Variants in DNAH1 observed in about 807,000 individuals in gnomAD.
The protein encoded by DNAH1 is axonemal beta dynein heavy chain 1.
Under a neutral mutation model 484.3 loss-of-function variants are expected in DNAH1, and 327 were observed. The ratio of observed to expected loss-of-function variants is 0.68; its 90% confidence interval spans 0.62 to 0.74. DNAH1 has a LOEUF of 0.74. Ranked by LOEUF, DNAH1 falls within the 30% of genes least tolerant of loss-of-function variation. DNAH1 has a pLI of 0.00. For missense variants in DNAH1, 5,052 were observed against 5,546.8 expected (o/e 0.91, Z 2.83); for synonymous variants, 2,192 against 2,191.9 (o/e 1.00, Z 0.00).
chr3:52,386,116 G>T, intron 54 of DNAH1, 44 bp from the exon 55 acceptor site: 1 of 1,571,644 alleles, frequency 6.4e-7, no homozygotes, highest in Non-Finnish European at 8.6e-7. Flanking sequence ...AAGATGCAGA[G>T]AAGAGAAAAG....
intron 8 of DNAH1, among the ~76,000 whole-genome samples, chr3:52,336,184 C>G (rs1701738385): frequency 6.6e-6 from 1 of 152,130 alleles, no homozygotes; most frequent in African/African-American, 2.4e-5. Context: ...AATTCTTTCC[C>G]AAGGCCAACA....
At chr3:52,366,645 A>T in intron 35 of DNAH1, 88 bp from the exon 36 acceptor site, 1 of 1,556,560 alleles carries the variant, frequency 6.4e-7, no homozygotes, top group African/African-American at 1.4e-5. Flanking sequence ...GCCCCTTGGC[A>T]TAGAATACCC....
chr3:52,373,561 C>T (rs1276417142), intron 44 of DNAH1: 7 of 1,482,548 alleles, frequency 4.7e-6, no homozygotes, highest in Admixed American at 1.7e-5. Flanking sequence ...GTACCCGTCT[C>T]TCAGCCCATA....
chr3:52,400,340 C>T lies in DNAH1; in HGVS notation c.12692C>T (p.Thr4231Ile). The T allele has an allele frequency of 2.5e-6, 4 of 1,614,058 alleles. No homozygotes were observed. The highest frequency in any genetic ancestry group is 3.4e-6 in the Non-Finnish European group (4 of 1,179,894). The change falls in exon 78 of 78, where the codon ACA becomes ATA. Residue 4231 changes from threonine to isoleucine, a missense_variant. Physicochemically the swap from Thr to Ile is moderately conservative, Grantham distance 89. Transcript: ENST00000420323. ...CCCATTCCAGGAACACTATCAACCA[C>T]AGGACACTCTACCAACTATGTCATT... ...TLTRAGTLST[T>I]GHSTNYVIAV...
At chr3:52,317,784 G>C (rs1030438540) in intron 1 of DNAH1, 7 of 152,254 alleles carry the variant, frequency 4.6e-5, no homozygotes, top group African/African-American at 1.7e-4. Context: ...TTCAGGCTGG[G>C]GAGGTTCGCG....
intron 52 of DNAH1, among the ~76,000 whole-genome samples, chr3:52,384,249 G>C (rs1486294212): frequency 6.6e-6 from 1 of 152,250 alleles, no homozygotes; most frequent in African/African-American, 2.4e-5. Flanking sequence ...ACAGCTGCAC[G>C]GGTACTGCTT....
rs1292112258 is a variant in DNAH1 at position 52,357,965 on chromosome 3, C to T, written c.4048C>T (p.Gln1350Ter). 1.9e-6 allele frequency: 3 copies of T among 1,612,806 alleles called. No individual in the cohort carries two copies. The highest frequency in any genetic ancestry group is 2.2e-5 in the East Asian group (1 of 44,882). ...LSQTKDPTAV[Q>*]PHLRKCFENI... ...GCAGACAAAGGACCCCACGGCCGTG[C>T]AGCCACACCTGCGCAAGTGCTTCGA... The change falls in exon 24 of 78, where the codon CAG becomes TAG. Residue 1350 changes from glutamine to a stop codon, truncating the protein, a stop_gained. Coordinates refer to ENST00000420323, the MANE Select transcript of DNAH1 (RefSeq NM_015512.5). LOFTEE classifies it high-confidence loss of function.
Position 52,349,438 on chromosome 3 carries a change from C to A in DNAH1, c.2526+18C>A. 6.2e-7 allele frequency: 1 copy of A among 1,608,656 alleles called. No individual in the cohort carries two copies. Among genetic ancestry groups the A allele is most frequent in the Non-Finnish European group, 8.5e-7 (1 of 1,175,626 alleles). ...TGGATAGCGTAAGTGCCCACCTGCCCCGCCTCAGTGACCACAGCAGCACAC... is the reference window on the plus strand; with the variant it reads ...TGGATAGCGTAAGTGCCCACCTGCCACGCCTCAGTGACCACAGCAGCACAC... On this transcript the variant is annotated intron_variant, in intron 14 of 77. Coordinates refer to ENST00000420323, the MANE Select transcript of DNAH1 (RefSeq NM_015512.5).
At chr3:52,334,070 T>C (rs1701650335) in intron 8 of DNAH1, among the ~76,000 whole-genome samples, 1 of 152,208 alleles carries the variant, frequency 6.6e-6, no homozygotes, top group African/African-American at 2.4e-5. Flanking sequence ...TGTCATTAGG[T>C]GATTTCATCA....
rs776727806 is a variant in DNAH1 at position 52,326,193 on chromosome 3, A to C, written c.460A>C (p.Ile154Leu). Residue 154 changes from isoleucine to leucine, a missense_variant, in exon 4 of 78, where the codon ATC becomes CTC. Physicochemically the swap from Ile to Leu is conservative, Grantham distance 5 (BLOSUM62 2). Coordinates refer to ENST00000420323, the MANE Select transcript of DNAH1 (RefSeq NM_015512.5). ...DFQERMEQQC[I>L]GSTTRLLAQT... is the part of the protein sequence containing the mutation. ...CCAGGAGCGCATGGAGCAGCAGTGCATCGGGTCCACCACCCGGCTGCTCGC... is the reference window on the plus strand; with the variant it reads ...CCAGGAGCGCATGGAGCAGCAGTGCCTCGGGTCCACCACCCGGCTGCTCGC... 15 of 1,612,824 alleles carry C rather than the reference A, an allele frequency of 9.3e-6. No individual in the cohort carries two copies. Among genetic ancestry groups the C allele is most frequent in the Non-Finnish European group, 3.4e-6 (4 of 1,179,510 alleles).
At chr3:52,385,258 G>T in intron 53 of DNAH1, 79 bp from the exon 54 acceptor site, 1 of 1,410,550 alleles carries the variant, frequency 7.1e-7, no homozygotes, top group Non-Finnish European at 9.8e-7. Flanking sequence ...TCTCTCTCAT[G>T]AATGAGGGCG....
rs773120505 is a variant in DNAH1, at chr3:52,370,634, A to G, written c.6416A>G (p.Gln2139Arg). 3 of 1,609,806 alleles carry G rather than the reference A, an allele frequency of 1.9e-6. No homozygotes were observed. Among genetic ancestry groups the G allele is most frequent in the Non-Finnish European group, 1.7e-6 (2 of 1,178,110 alleles). The change falls in exon 40 of 78, where the codon CAG becomes CGG. Residue 2139 changes from glutamine to arginine, a missense_variant and splice_region_variant. Physicochemically the swap from Gln to Arg is conservative, Grantham distance 43. Around this residue, in one of 4 missense-constraint regions of DNAH1, gnomAD observed 2,929 missense variants for 3,409.4 expected, o/e 0.86. Coordinates refer to ENST00000420323, the MANE Select transcript of DNAH1 (RefSeq NM_015512.5). ...CTAAGGCTCAAGATGGAGAACGAAC[A>G]GGTGAGAGCCGGCGGCCCCCAGGGA... is the stretch of plus-strand genomic sequence containing the variant. ...HWLRLKMENE[Q>R]LTLLFPEEGL...
intron 44 of DNAH1, chr3:52,374,794 C>A: frequency 9.5e-7 from 1 of 1,057,136 alleles, no homozygotes; most frequent in Non-Finnish European, 1.5e-6. Flanking sequence ...ACACAACAGT[C>A]CAAAGCAGAG....
In DNAH1 at chr3:52,380,145, C is replaced by G; in HGVS notation, c.7608+10C>G. ...CACCAGTGAGAGTAAGGTGAGGGGC[C>G]CAGGCAGGCGCCCTGCCCCTGGTGG... is the stretch of plus-strand genomic sequence containing the variant. On this transcript the variant is annotated intron_variant, in intron 48 of 77. Coordinates refer to ENST00000420323, the MANE Select transcript of DNAH1 (RefSeq NM_015512.5). The G allele has an allele frequency of 6.4e-7, 1 of 1,574,566 alleles. No homozygotes were observed. Among genetic ancestry groups the G allele is most frequent in the Non-Finnish European group, 8.6e-7 (1 of 1,159,634 alleles).
chr3:52,383,696 A>G, intron 51 of DNAH1, 102 bp downstream of exon 51: 1 of 1,417,174 alleles, frequency 7.1e-7, no homozygotes. Context: ...GCCTGAGATG[A>G]GGAGACGCGG....
At chr3:52,349,893 C>T (rs903775399) in intron 14 of DNAH1, 96 bp from the exon 15 acceptor site, 163 of 1,481,472 alleles carry the variant, frequency 1.1e-4, no homozygotes, top group Non-Finnish European at 1.5e-4. Flanking sequence ...GGGACAGTTA[C>T]CTGTCGGGAG....
chr3:52,362,596 C>G lies in DNAH1; in HGVS notation c.5094+95C>G. The G allele has an allele frequency of 9.0e-7, 1 of 1,107,228 alleles. No individual in the cohort carries two copies. Among genetic ancestry groups the G allele is most frequent in the Non-Finnish European group, 1.3e-6 (1 of 760,048 alleles). The allele number at this position is 1,107,228 out of a possible 1,614,324, so 68.6% of individuals were successfully genotyped here. ...TTATGCAAGGACACAGTTGCTTGGA[C>G]TCCAGGGACTGTGATTCCCTATGGT... On this transcript the variant is annotated intron_variant, in intron 31 of 77. Transcript: ENST00000420323. This position sits in a 1 kb window ranked among gnomAD's most constrained non-coding sequence, Gnocchi z 5.1.
chr3:52,398,808 G>A (rs1704758530), intron 75 of DNAH1, 42 bp from the exon 76 acceptor site: 1 of 1,452,052 alleles, frequency 6.9e-7, no homozygotes, highest in African/African-American at 1.4e-5. Flanking sequence ...ACTGCCACGT[G>A]ACCCCAGCCC....
chr3:52,380,686 G>A (rs1042572175), intron 48 of DNAH1, among the ~76,000 whole-genome samples: 2 of 152,160 alleles, frequency 1.3e-5, no homozygotes, highest in Non-Finnish European at 2.9e-5. Context: ...AAGGCCCAGC[G>A]TCCCCACCAT....
Sources: allele counts gnomAD v4.1 joint callset (sites outside exome capture counted in the v4.1 genomes callset), GRCh38; gene constraint gnomAD v4.1.1; regional missense constraint gnomAD v4.1.1; non-coding constraint Gnocchi (gnomAD v3.1); transcripts MANE v1.5; gene names NCBI Gene and HGNC (gene_info 2026-07-23, HGNC 2026-07-21).